Variants in ULK4 observed in about 807,000 individuals in gnomAD.
ULK4 encodes inactive serine/threonine-protein kinase ULK4.
Under a neutral mutation model 160.6 loss-of-function variants are expected in ULK4, and 133 were observed. That is an observed-to-expected ratio of 0.83 (90% CI 0.72 to 0.96). ULK4 has a LOEUF of 0.96. Ranked by LOEUF, ULK4 falls within the 40% of genes least tolerant of loss-of-function variation. The pLI, the probability that ULK4 is intolerant of heterozygous loss-of-function variation, is 0.00. For missense variants in ULK4, 1,580 were observed against 1,499.5 expected (o/e 1.05, Z -0.89); for synonymous variants, 534 against 539.8 (o/e 0.99, Z 0.15).
Position 41,398,224 on chromosome 3 carries a change from T to A in ULK4, c.3533A>T (p.Lys1178Met). 6.2e-7 allele frequency: 1 copy of A among 1,612,320 alleles called. No homozygotes were observed. Among genetic ancestry groups the A allele is most frequent in the Non-Finnish European group, 8.5e-7 (1 of 1,179,446 alleles). The change falls in exon 35 of 37, where the codon AAG (lysine) becomes ATG (methionine). Residue 1178 changes from lysine to methionine, a missense_variant. By Grantham distance (95) the Lys-to-Met change is moderately conservative (BLOSUM62 -1). Transcript: ENST00000301831. The stretch of plus-strand genomic sequence containing the variant: ...CAGCTGAACCAGTATAGACAGGCAC[T>A]TGGATGAAACATCAAAAATCTCAGG... ...EDPEIFDVSS[K>M]CLSILVQLYG...
At chr3:41,727,453 G>T (rs1379508857) in intron 22 of ULK4, among the ~76,000 whole-genome samples, 2 of 152,200 alleles carry the variant, frequency 1.3e-5, no homozygotes, top group African/African-American at 2.4e-5. Flanking sequence ...AAGAAAACTA[G>T]TCACTTGCCA....
At chr3:41,883,730 G>A in intron 17 of ULK4, 144 bp downstream of exon 17, 1 of 756,324 alleles carries the variant, frequency 1.3e-6, no homozygotes, top group East Asian at 2.6e-5. Flanking sequence ...CTAAAGGTCT[G>A]TTGAGGTAAC....
At chr3:41,566,968 TAA>T (rs1307851041) in intron 31 of ULK4, among the ~76,000 whole-genome samples, 1 of 152,180 alleles carries the variant, frequency 6.6e-6, no homozygotes, top group Non-Finnish European at 1.5e-5. Context: ...CAGGTTCCTG[TAA>T]GTACCCACTG....
At chr3:41,792,157 G>GT (rs1457766343) in intron 20 of ULK4, among the ~76,000 whole-genome samples, 1 of 152,066 alleles carries the variant, frequency 6.6e-6, no homozygotes, top group African/African-American at 2.4e-5. Context: ...ATCAATAGTA[G>GT]TAATATCTGA....
At chr3:41,760,600 C>T (rs2038954524) in intron 21 of ULK4, among the ~76,000 whole-genome samples, 1 of 152,112 alleles carries the variant, frequency 6.6e-6, no homozygotes, top group African/African-American at 2.4e-5. Context: ...CACATAAGTA[C>T]TTAATACAAA....
At chr3:41,463,396 G>A (rs1218141358) in intron 32 of ULK4, 143 bp from the exon 33 acceptor site, 2 of 770,888 alleles carry the variant, frequency 2.6e-6, no homozygotes, top group Non-Finnish European at 3.9e-6. Context: ...ATTCACTGAG[G>A]AAAGTTGTTT....
intron 35 of ULK4, among the ~76,000 whole-genome samples, chr3:41,265,805 G>A (rs2079021723): frequency 6.6e-6 from 1 of 152,296 alleles, no homozygotes; most frequent in Non-Finnish European, 1.5e-5. Flanking sequence ...GAGAAGGGAA[G>A]GGAATCGTGA....
intron 31 of ULK4, among the ~76,000 whole-genome samples, chr3:41,567,065 A>C (rs1185535807): frequency 6.6e-6 from 1 of 152,162 alleles, no homozygotes; most frequent in Non-Finnish European, 1.5e-5. Context: ...TAACTAGTCC[A>C]ACCCCGAAAA....
chr3:41,904,139 T>C (rs1192344098), intron 12 of ULK4, among the ~76,000 whole-genome samples: 5 of 152,068 alleles, frequency 3.3e-5, no homozygotes, highest in Non-Finnish European at 5.9e-5. Flanking sequence ...ATTTAAAAAT[T>C]ATAAAACATA....
intron 21 of ULK4, among the ~76,000 whole-genome samples, chr3:41,789,001 C>T (rs1048893604): frequency 2.6e-4 from 40 of 152,172 alleles, no homozygotes; most frequent in African/African-American, 9.7e-4. Flanking sequence ...AGAAGGTCTG[C>T]ATGGGGCCTA....
At chr3:41,594,028 G>C (rs79506506) in intron 31 of ULK4, among the ~76,000 whole-genome samples, 6,126 of 152,130 alleles carry the variant, frequency 0.04, 443 homozygotes, top group African/African-American at 0.14. Flanking sequence ...CTGGGTGACA[G>C]AGCCAGACTG....
Position 41,459,138 on chromosome 3 carries a change from G to A in ULK4, c.3394-3543C>T, listed in dbSNP as rs146832297. Among the ~76,000 whole-genome samples the A allele has an allele frequency of 2.3e-3, 352 of 152,098 alleles. 2 individuals are homozygous for A. Among genetic ancestry groups the A allele is most frequent in the African/African-American group, 8.1e-3 (335 of 41,516 alleles). On this transcript the variant is annotated intron_variant, in intron 33 of 36. Coordinates refer to ENST00000301831, the MANE Select transcript of ULK4 (RefSeq NM_017886.4). ...GTGATCTCGGTTCACTGAAACCTCC[G>A]CCTCCCAGGTTCAAATGATTCTCCT... is the stretch of plus-strand genomic sequence containing the variant.
At chr3:41,831,007 ATTTT>A (rs757743394) in intron 18 of ULK4, among the ~76,000 whole-genome samples, 36,052 of 146,576 alleles carry the variant, frequency 0.25, 5,194 homozygotes, top group African/African-American at 0.45. Context: ...TGTTTTTATT[ATTTT>A]TTTTATTTAT....
intron 2 of ULK4, among the ~76,000 whole-genome samples, chr3:41,945,603 T>C (rs1173661551): frequency 6.6e-6 from 1 of 152,218 alleles, no homozygotes; most frequent in Non-Finnish European, 1.5e-5. Flanking sequence ...CTAATGTCTA[T>C]ATGCTGATGA....
At chr3:41,504,245 CTGTT>C (rs1451644097) in intron 32 of ULK4, among the ~76,000 whole-genome samples, 1 of 152,048 alleles carries the variant, frequency 6.6e-6, no homozygotes, top group Non-Finnish European at 1.5e-5. Context: ...TATCTGCTAA[CTGTT>C]TGTGTCAACA....
chr3:41,748,276 A>T (rs1390376935), intron 22 of ULK4, among the ~76,000 whole-genome samples: 1 of 151,076 alleles, frequency 6.6e-6, no homozygotes, highest in Non-Finnish European at 1.5e-5. Flanking sequence ...TACACACACG[A>T]TATATATTAT....
rs536492618 is a variant in ULK4, at chr3:41,289,444, G to A, written c.3679-39870C>T. On this transcript the variant is annotated intron_variant, in intron 35 of 36. Coordinates refer to ENST00000301831, the MANE Select transcript of ULK4 (RefSeq NM_017886.4). Reference sequence around the variant, plus strand: ...TGACAATGATGATGAATACTGTCACGCAGTTCTCTCAGAAATAGAGCATTA... The same window carrying A: ...TGACAATGATGATGAATACTGTCACACAGTTCTCTCAGAAATAGAGCATTA... Among the ~76,000 whole-genome samples, 30 of 152,286 alleles carry A rather than the reference G, an allele frequency of 2.0e-4. No homozygotes were observed. In the East Asian group the frequency reaches 3.5e-3, roughly 18 times the overall value.
intron 18 of ULK4, among the ~76,000 whole-genome samples, chr3:41,834,678 T>C (rs1160254589): frequency 6.6e-6 from 1 of 152,166 alleles, no homozygotes. Flanking sequence ...GTTCAGAAAG[T>C]CAGTTTAATT....
intron 35 of ULK4, among the ~76,000 whole-genome samples, chr3:41,367,872 T>C (rs1181448888): frequency 1.3e-5 from 2 of 152,198 alleles, no homozygotes; most frequent in Non-Finnish European, 2.9e-5. Flanking sequence ...TATGTATATA[T>C]GTATGCAGGT....
Sources: allele counts gnomAD v4.1 joint callset (sites outside exome capture counted in the v4.1 genomes callset), GRCh38; gene constraint gnomAD v4.1.1; transcripts MANE v1.5; gene names NCBI Gene and HGNC (gene_info 2026-07-23, HGNC 2026-07-21).